Variants in MAK observed in about 807,000 individuals in gnomAD.
MAK encodes serine/threonine-protein kinase MAK.
Under a neutral mutation model 82.6 loss-of-function variants are expected in MAK, and 65 were observed. The observed-to-expected ratio is 0.79, with a 90% CI of 0.64 to 0.97. The LOEUF (loss-of-function observed/expected upper bound fraction) is 0.97. Among genes scored for constraint, MAK ranks in the 50% least tolerant of loss-of-function variants. The pLI is 0.00. For synonymous variants in MAK, 250 were observed against 274.2 expected, an observed-to-expected ratio of 0.91 and a Z score of 0.87; for missense variants, 703 against 780.2, an observed-to-expected ratio of 0.90 and a Z score of 1.18.
rs60516370 is a variant in MAK, at chr6:10,763,850, CAAA to C, written c.*599_*601del. On this transcript the variant is annotated 3_prime_UTR_variant, in exon 15 of 15. Transcript: ENST00000354489. ...TGGACACAAGAGTGAAACATCGCCT[CAAA>C]AAAAAAAAAAAAGATATCCTGCTCA... 2.2e-5 allele frequency: 3 copies of C among 137,628 alleles called. No individual in the cohort carries two copies. Among genetic ancestry groups the C allele is most frequent in the Admixed American group, 7.3e-5 (1 of 13,790 alleles). 8.5% of individuals were successfully genotyped at this position (137,628 alleles called of 1,614,324 possible).
At chr6:10,836,070 C>T (rs1350063856) in intron 1 of MAK, among the ~76,000 whole-genome samples, 1 of 152,152 alleles carries the variant, frequency 6.6e-6, no homozygotes, top group Non-Finnish European at 1.5e-5. Context: ...GAATAAACAC[C>T]GGCAACACCA....
chr6:10,802,275 G>A (rs1644275120), intron 7 of MAK: 5 of 517,490 alleles, frequency 9.7e-6, no homozygotes, highest in Middle Eastern at 5.1e-4. Context: ...GAAACAATGC[G>A]AAAAGCACTT....
intron 14 of MAK, among the ~76,000 whole-genome samples, chr6:10,769,550 G>A (rs748240210): frequency 1.3e-5 from 2 of 152,168 alleles, no homozygotes; most frequent in African/African-American, 4.8e-5. Context: ...TCCTGCCACC[G>A]CTAATTTCTA....
intron 2 of MAK, among the ~76,000 whole-genome samples, chr6:10,824,970 A>G (rs1279202187): frequency 6.6e-6 from 1 of 152,216 alleles, no homozygotes. Flanking sequence ...AGAGACTGGA[A>G]GAGTAAATAC....
rs1775216355 is a variant in MAK, at chr6:10,793,038, G to A, written c.1144-1191C>T. On this transcript the variant is annotated intron_variant, in intron 9 of 14. Coordinates refer to ENST00000354489, the MANE Select transcript of MAK (RefSeq NM_001242957.3). The surrounding 1 kb of genome is among the most constrained non-coding windows in gnomAD (Gnocchi z 4.6). ...TGGTATGGCTGAGAAGACTGGAAAG[G>A]GGCAAATATAATACTTTTAATAAAG... Among the ~76,000 whole-genome samples the A allele has an allele frequency of 6.8e-6, 1 of 147,158 alleles. No individual in the cohort carries two copies. Among genetic ancestry groups the A allele is most frequent in the Admixed American group, 6.9e-5 (1 of 14,422 alleles).
At chr6:10,783,467 C>T (rs1271173361) in intron 11 of MAK, among the ~76,000 whole-genome samples, 1 of 152,162 alleles carries the variant, frequency 6.6e-6, no homozygotes, top group East Asian at 1.9e-4. Context: ...CTAAAGTCAC[C>T]ACCGTTCACC....
rs901350459 is a variant in MAK, at chr6:10,776,857, C to T, written c.1466-1398G>A. Among the ~76,000 whole-genome samples, 2 of 147,030 alleles carry T rather than the reference C, an allele frequency of 1.4e-5. No homozygotes were observed. The highest frequency in any genetic ancestry group is 3.0e-5 in the Non-Finnish European group (2 of 66,590). ...ATCCCAGCACTTTGGGAGGCCGAGG[C>T]GGGCGGATCACGAGGTCAGGAGTTT... On this transcript the variant is annotated intron_variant, in intron 11 of 14. Transcript: ENST00000354489. The surrounding 1 kb of genome is among the most constrained non-coding windows in gnomAD (Gnocchi z 4.3).
intron 2 of MAK, among the ~76,000 whole-genome samples, chr6:10,823,625 G>C (rs1270542547): frequency 2.6e-5 from 4 of 152,190 alleles, no homozygotes; most frequent in Non-Finnish European, 5.9e-5. Context: ...CGCCTCCTGG[G>C]TTCAAGTGAT....
intron 10 of MAK, among the ~76,000 whole-genome samples, chr6:10,790,230 G>A (rs560065343): frequency 2.0e-5 from 3 of 152,190 alleles, no homozygotes; most frequent in East Asian, 3.9e-4. Context: ...GTGAAGACCT[G>A]GAAACGGATT....
intron 4 of MAK, among the ~76,000 whole-genome samples, chr6:10,815,944 A>ATATATATATATATG (rs1777464452): frequency 2.9e-5 from 3 of 104,262 alleles, no homozygotes; most frequent in Non-Finnish European, 6.4e-5. Context: ...ATATATATAT[A>ATATATATATATATG]TATGTATGTT....
intron 10 of MAK, among the ~76,000 whole-genome samples, chr6:10,788,456 G>T (rs575935019): frequency 6.6e-6 from 1 of 152,280 alleles, no homozygotes; most frequent in East Asian, 1.9e-4. Flanking sequence ...AAGTCGCCAG[G>T]TGCGGTGGCT....
At chr6:10,802,400 G>A (rs1776090781) in intron 7 of MAK, 1 of 228,838 alleles carries the variant, frequency 4.4e-6, no homozygotes, top group Non-Finnish European at 8.7e-6. Context: ...CACCCTCCCG[G>A]GCTCAAAAGA....
At chr6:10,806,560 T>C (rs1390944359) in intron 6 of MAK, among the ~76,000 whole-genome samples, 2 of 146,404 alleles carry the variant, frequency 1.4e-5, no homozygotes, top group Non-Finnish European at 3.0e-5. Flanking sequence ...GGTTTCACTG[T>C]GTTAGCCAAA....
chr6:10,789,538 C>T (rs142531615), intron 10 of MAK, among the ~76,000 whole-genome samples: 1 of 152,102 alleles, frequency 6.6e-6, no homozygotes, highest in Non-Finnish European at 1.5e-5. Context: ...TGCATAGATA[C>T]CTATGAGGAA....
chr6:10,802,138 T>C, intron 7 of MAK, 79 bp from the exon 8 acceptor site: 1 of 1,048,586 alleles, frequency 9.5e-7, no homozygotes, highest in East Asian at 2.4e-5. Context: ...AACACAGCAG[T>C]AATATAAACA....
chr6:10,823,687 A>G (rs890635479), intron 2 of MAK, among the ~76,000 whole-genome samples: 2 of 151,866 alleles, frequency 1.3e-5, no homozygotes, highest in Non-Finnish European at 2.9e-5. Context: ...ACACGACCAC[A>G]CCCGGCTAAT....
At chr6:10,813,834 T>C (rs1192925860) in intron 4 of MAK, 111 bp from the exon 5 acceptor site, 2 of 746,022 alleles carry the variant, frequency 2.7e-6, no homozygotes, top group Admixed American at 3.6e-5. Flanking sequence ...CGATACTGGT[T>C]AAACCTATGA....
intron 10 of MAK, 58 bp downstream of exon 10, chr6:10,791,617 G>A (rs565014787): frequency 6.8e-7 from 1 of 1,470,770 alleles, no homozygotes; most frequent in East Asian, 2.3e-5. Context: ...TATATTTAAT[G>A]AGTAAAATAA....
chr6:10,769,228 A>T (rs1024911843), intron 14 of MAK, among the ~76,000 whole-genome samples: 21 of 152,228 alleles, frequency 1.4e-4, no homozygotes, highest in Admixed American at 1.2e-3. Context: ...AAAAAGAATT[A>T]AAATAAATAA....
Sources: allele counts gnomAD v4.1 joint callset (sites outside exome capture counted in the v4.1 genomes callset), GRCh38; gene constraint gnomAD v4.1.1; non-coding constraint Gnocchi (gnomAD v3.1); transcripts MANE v1.5; gene names NCBI Gene and HGNC (gene_info 2026-07-23, HGNC 2026-07-21).